The following RPAP3 variants were observed in gnomAD, a reference collection of about 807,000 sequenced individuals.
RPAP3 encodes the protein RNA polymerase II-associated protein 3.
RPAP3 carries 58 observed loss-of-function variants against 88.8 expected under a neutral mutation model. The ratio of observed to expected loss-of-function variants is 0.65; its 90% CI spans 0.53 to 0.81. The LOEUF (loss-of-function observed/expected upper bound fraction) is 0.81, where lower values mean the gene tolerates loss of function less well. Ranked by LOEUF, RPAP3 falls within the 40% of genes least tolerant of loss-of-function variation. The pLI, the probability that RPAP3 is intolerant of heterozygous loss-of-function variation, is 0.00. For missense variants in RPAP3, 751 were observed against 764.3 expected (o/e 0.98, Z 0.20); for synonymous variants, 255 against 259.9 (o/e 0.98, Z 0.18).
intron 12 of RPAP3, among the ~76,000 whole-genome samples, chr12:47,673,502 T>C (rs897769936): frequency 7.0e-6 from 1 of 142,434 alleles, no homozygotes; most frequent in Non-Finnish European, 1.6e-5. Context: ...ACTGGAAAAG[T>C]ATTAAACTAA....
At chr12:47,686,972 A>C in intron 8 of RPAP3, 65 bp from the exon 9 acceptor site, 1 of 1,014,252 alleles carries the variant, frequency 9.9e-7, no homozygotes, top group Non-Finnish European at 1.4e-6. Context: ...ATGAATTCAA[A>C]TCTTATGAAA....
At chr12:47,699,595 A>T (rs967010238) in intron 3 of RPAP3, 1 of 152,218 alleles carries the variant, frequency 6.6e-6, no homozygotes, top group African/African-American at 2.4e-5. Context: ...GTTTGACAGT[A>T]TTTTCTAAAA....
chr12:47,670,479 G>C, intron 12 of RPAP3, 134 bp from the exon 13 acceptor site: 1 of 610,340 alleles, frequency 1.6e-6, no homozygotes. Flanking sequence ...TGGCTAGACA[G>C]ACTTAGAAGT....
At position 47,670,192 on chromosome 12, in the gene RPAP3, T is replaced by C; in HGVS notation, c.1441A>G (p.Ser481Gly). 2 of 1,614,070 alleles carry C rather than the reference T, an allele frequency of 1.2e-6. No homozygotes were observed. The change falls in exon 13 of 17, where the codon AGC becomes GGC. Residue 481 changes from serine to glycine, a missense_variant. Ser to Gly is a moderately conservative substitution (Grantham distance 56). Coordinates refer to ENST00000005386, the MANE Select transcript of RPAP3 (RefSeq NM_024604.3). The part of the protein sequence containing the change: ...ATGTTSKKNS[S>G]QDDLFPTSDT... ...CTTGTGGGAAAAAGGTCATCTTGGC[T>C]TGAATTCTTCTTACTTGTGGTGCCT...
At chr12:47,676,804 C>T (rs985729698) in intron 12 of RPAP3, among the ~76,000 whole-genome samples, 3 of 152,096 alleles carry the variant, frequency 2.0e-5, no homozygotes. Flanking sequence ...CTGAATTCTA[C>T]CAGAGGTACA....
chr12:47,696,227 A>C (rs1488294913), intron 5 of RPAP3, 49 bp downstream of exon 5: 1 of 1,409,394 alleles, frequency 7.1e-7, no homozygotes, highest in Non-Finnish European at 9.4e-7. Context: ...ATAAGTCTCC[A>C]TATATACATA....
chr12:47,695,963 C>T (rs1285359826), intron 5 of RPAP3: 2 of 187,480 alleles, frequency 1.1e-5, no homozygotes, highest in African/African-American at 2.3e-5. Context: ...TTCAAAATGA[C>T]AGGATATTAA....
intron 5 of RPAP3, among the ~76,000 whole-genome samples, chr12:47,692,889 GTT>G (rs1939454732): frequency 6.6e-6 from 1 of 152,118 alleles, no homozygotes; most frequent in Admixed American, 6.5e-5. Flanking sequence ...TTGTTTGTTT[GTT>G]TGCTTTGAGA....
chr12:47,703,295 T>C (rs1407464045), intron 1 of RPAP3, among the ~76,000 whole-genome samples: 2 of 152,218 alleles, frequency 1.3e-5, no homozygotes, highest in Admixed American at 1.3e-4. Context: ...TATAAAGCAC[T>C]AGTAACAAAA....
In RPAP3 at chr12:47,679,714, T is replaced by G. The variant is rs748433627; in HGVS notation, c.1175A>C (p.Lys392Thr). ...GNKQAVTELS[K>T]IKKELIEKGH... The stretch of plus-strand genomic sequence containing the variant: ...AAAAGAATACATTACCTTTTTAATT[T>G]TGGAGAGTTCAGTTACTGCTTGCTT... The change falls in exon 11 of 17, where the codon AAA (lysine) becomes ACA (threonine). Residue 392 changes from lysine to threonine, a missense_variant. Coordinates refer to ENST00000005386, the MANE Select transcript of RPAP3 (RefSeq NM_024604.3). The G allele has an allele frequency of 3.1e-6, 5 of 1,604,666 alleles. No homozygotes were observed. In the South Asian group the frequency reaches 4.5e-5, roughly 14 times the overall value.
intron 10 of RPAP3, 61 bp downstream of exon 10, chr12:47,681,635 C>G: frequency 1.9e-6 from 3 of 1,553,002 alleles, no homozygotes; most frequent in Middle Eastern, 1.7e-4. Context: ...ACATGAATCT[C>G]TGCTTCTTTA....
intron 5 of RPAP3, among the ~76,000 whole-genome samples, chr12:47,691,515 T>A (rs890931787): frequency 2.0e-5 from 3 of 152,240 alleles, no homozygotes; most frequent in Admixed American, 2.0e-4. Context: ...CAGGTTTCAA[T>A]CTACTTTGTC....
At chr12:47,667,641 A>T (rs1938907755) in intron 15 of RPAP3, 113 bp downstream of exon 15, 7 of 600,378 alleles carry the variant, frequency 1.2e-5, no homozygotes, top group Admixed American at 6.5e-5. Flanking sequence ...ATTGACATAA[A>T]CAAGACTTAT....
chr12:47,697,838 C>T lies in RPAP3; in HGVS notation c.295-119G>A, dbSNP rs1322984814. 110 of 926,420 alleles carry T rather than the reference C, an allele frequency of 1.2e-4. No individual in the cohort carries two copies. The Admixed American group carries it at 3.5e-3, about 30-fold the overall frequency. The allele number at this position is 926,420 out of a possible 1,614,324, so 57.4% of individuals were successfully genotyped here. ...TAAATTGTTACAATCTAAGGACCTA[C>T]AGCCTTACAAAGCAACCCAAATCTC... On this transcript the variant is annotated intron_variant, in intron 3 of 16. Transcript: ENST00000005386.
rs567204599 is a variant in RPAP3 at position 47,687,933 on chromosome 12, C to T, written c.807G>A (p.Glu269=). 9.0e-5 allele frequency: 146 copies of T among 1,613,692 alleles called. No individual in the cohort carries two copies. In the South Asian group the frequency reaches 1.5e-3, roughly 17 times the overall value. Residue 269 remains glutamate (E), a synonymous_variant, in exon 8 of 17, where the codon GAG becomes GAA. Transcript: ENST00000005386. ...TCTGTTGTGCTTCAATTTGCTTTCG[C>T]TCTCCTTCTGTTGACTTAATCACTA... ...ADIVIKSTEG[E]RKQIEAQQNK... is the part of the protein sequence containing the mutation.
At chr12:47,670,554 G>A (rs1938976110) in intron 12 of RPAP3, among the ~76,000 whole-genome samples, 2 of 152,234 alleles carry the variant, frequency 1.3e-5, no homozygotes, top group South Asian at 4.1e-4. Context: ...ACAAGGGAGA[G>A]AGACATGTAT....
At chr12:47,678,120 A>G (rs1437252283) in intron 12 of RPAP3, among the ~76,000 whole-genome samples, 1 of 152,228 alleles carries the variant, frequency 6.6e-6, no homozygotes, top group Non-Finnish European at 1.5e-5. Context: ...CTGATCTTTG[A>G]CAAACCTGAC....
intron 3 of RPAP3, chr12:47,700,040 C>A (rs1592488167): frequency 7.1e-6 from 1 of 141,792 alleles, no homozygotes; most frequent in Middle Eastern, 3.7e-3. Flanking sequence ...GTGGCCCAGG[C>A]TGCAGTGCAG....
chr12:47,699,561 A>G (rs187435885), intron 3 of RPAP3: 3 of 152,368 alleles, frequency 2.0e-5, no homozygotes, highest in Admixed American at 2.0e-4. Flanking sequence ...TAAGAAAAAT[A>G]CCACACAAAT....
Sources: gnomAD v4.1 joint callset for allele counts (sites outside exome capture counted in the v4.1 genomes callset) on GRCh38, gnomAD v4.1.1 for gene constraint, MANE v1.5 for transcripts, NCBI Gene and HGNC (gene_info 2026-07-23, HGNC 2026-07-21) for gene names.